The following CCDC73 variants were observed in gnomAD, a reference collection of about 807,000 sequenced individuals.
CCDC73 encodes the protein coiled-coil domain containing 73.
CCDC73 carries 95 observed loss-of-function variants against 116.5 expected under a neutral mutation model. The observed-to-expected ratio is 0.82, with a 90% CI of 0.69 to 0.97. CCDC73 has a LOEUF of 0.97. CCDC73 is among the 50% of genes least tolerant of loss of function. The probability of loss-of-function intolerance (pLI) is 0.00; values close to 1 mark genes in which losing one functional copy is unlikely to be tolerated. For synonymous variants in CCDC73, 398 were observed against 401.3 expected (o/e 0.99, Z 0.10); for missense variants, 1,066 against 1,206.8 (o/e 0.88, Z 1.73).
At chr11:32,781,401 G>A (rs1271264720) in intron 1 of CCDC73, among the ~76,000 whole-genome samples, 2 of 152,144 alleles carry the variant, frequency 1.3e-5, no homozygotes, top group Admixed American at 6.6e-5. Flanking sequence ...TTGCACCTGA[G>A]AAAGCTAGGA....
chr11:32,800,446 AT>A, the CCDC73 span, among the ~76,000 whole-genome samples: 8 of 152,174 alleles, frequency 5.3e-5, no homozygotes, highest in Admixed American at 5.2e-4. Context: ...AGTTATTCTT[AT>A]TATAAAATTG....
chr11:32,700,908 T>C (rs1849805712), intron 4 of CCDC73, 82 bp from the exon 5 acceptor site: 1 of 531,566 alleles, frequency 1.9e-6, no homozygotes, highest in South Asian at 3.5e-5. Context: ...AAAGAAACAC[T>C]TTACACATCT....
At chr11:32,695,527 GT>G (rs1179683574) in intron 6 of CCDC73, among the ~76,000 whole-genome samples, 1 of 152,202 alleles carries the variant, frequency 6.6e-6, no homozygotes, top group African/African-American at 2.4e-5. Context: ...AGGCTTTGCA[GT>G]TTCACTTGTG....
At chr11:32,648,909 G>A (rs899464683) in intron 12 of CCDC73, among the ~76,000 whole-genome samples, 1 of 152,112 alleles carries the variant, frequency 6.6e-6, no homozygotes, top group African/African-American at 2.4e-5. Context: ...ATTAAGTATA[G>A]TATATTCTAT....
chr11:32,788,195 T>C (rs529890398), intron 1 of CCDC73, among the ~76,000 whole-genome samples: 1 of 152,308 alleles, frequency 6.6e-6, no homozygotes, highest in Non-Finnish European at 1.5e-5. Context: ...ATCACTCATA[T>C]CCTTTGGAAA....
At chr11:32,667,545 TC>T (rs151189707) in intron 9 of CCDC73, among the ~76,000 whole-genome samples, 7,169 of 152,198 alleles carry the variant, frequency 0.047, 186 homozygotes, top group African/African-American at 0.061. Flanking sequence ...GACCCGATTT[TC>T]CAGGTGCCGT....
intron 9 of CCDC73, among the ~76,000 whole-genome samples, chr11:32,671,628 T>A (rs557538927): frequency 1.1e-4 from 16 of 152,162 alleles, no homozygotes; most frequent in Non-Finnish European, 2.1e-4. Flanking sequence ...ATAAGACACA[T>A]AAAATTTAAA....
intron 12 of CCDC73, among the ~76,000 whole-genome samples, chr11:32,648,990 G>C (rs1049966139): frequency 2.6e-5 from 4 of 152,186 alleles, no homozygotes; most frequent in Non-Finnish European, 5.9e-5. Context: ...TGTTAGATCA[G>C]CTACACTAAG....
chr11:32,705,396 C>T (rs1156500219), intron 3 of CCDC73, among the ~76,000 whole-genome samples: 1 of 152,174 alleles, frequency 6.6e-6, no homozygotes, highest in African/African-American at 2.4e-5. Context: ...TCCCCTCATC[C>T]AGACACTGGT....
chr11:32,677,955 C>CA (rs34907847), intron 7 of CCDC73, among the ~76,000 whole-genome samples: 6,400 of 63,950 alleles, frequency 0.1, 312 homozygotes, highest in African/African-American at 0.16. Context: ...GATTCCATCT[C>CA]AAAAAAAAAA....
chr11:32,660,742 A>G (rs1855915726), intron 9 of CCDC73, among the ~76,000 whole-genome samples: 1 of 152,050 alleles, frequency 6.6e-6, no homozygotes, highest in African/African-American at 2.4e-5. Flanking sequence ...GGACTGCTTG[A>G]GCCCAGGTGT....
intron 3 of CCDC73, among the ~76,000 whole-genome samples, chr11:32,716,770 C>G (rs1849950208): frequency 6.6e-6 from 1 of 152,142 alleles, no homozygotes; most frequent in Non-Finnish European, 1.5e-5. Flanking sequence ...ACTATGTTGC[C>G]CAGGCTGGTC....
upstream of CCDC73, among the ~76,000 whole-genome samples, chr11:32,799,091 ATTT>A (rs36041424): frequency 0.11 from 13,553 of 118,322 alleles, 696 homozygotes; most frequent in Middle Eastern, 0.16. Flanking sequence ...TTTTCTTTTC[ATTT>A]TTTTTTTTTT....
chr11:32,712,988 T>C (rs1849915523), intron 3 of CCDC73, among the ~76,000 whole-genome samples: 1 of 152,128 alleles, frequency 6.6e-6, no homozygotes, highest in African/African-American at 2.4e-5. Context: ...TTCTAATAAG[T>C]GTTACTCATA....
chr11:32,625,181 G>A (rs866002488), intron 14 of CCDC73, among the ~76,000 whole-genome samples: 20 of 152,102 alleles, frequency 1.3e-4, no homozygotes, highest in Admixed American at 1.0e-3. Context: ...GTCTCTGCAC[G>A]TCAGATGGGT....
intron 7 of CCDC73, chr11:32,682,815 A>G (rs1590591537): frequency 6.6e-6 from 1 of 152,042 alleles, no homozygotes; most frequent in Non-Finnish European, 1.5e-5. Flanking sequence ...TTAACAGACT[A>G]TAAAAGAGGA....
chr11:32,760,343 T>C (rs1018499852), intron 1 of CCDC73, 85 bp from the exon 2 acceptor site: 5 of 759,692 alleles, frequency 6.6e-6, no homozygotes. Context: ...TATAACAACC[T>C]GTATCCCATA....
At chr11:32,726,274 G>T (rs1251358850) in intron 2 of CCDC73, among the ~76,000 whole-genome samples, 4 of 152,062 alleles carry the variant, frequency 2.6e-5, no homozygotes, top group Non-Finnish European at 5.9e-5. Context: ...TGGATTTATT[G>T]ACATAGACTT....
chr11:32,773,601 G>C (rs746231239), intron 1 of CCDC73, among the ~76,000 whole-genome samples: 14 of 151,822 alleles, frequency 9.2e-5, no homozygotes, highest in Non-Finnish European at 2.1e-4. Context: ...GAAATACAGT[G>C]AGACCCCCAT....
Sources: allele counts gnomAD v4.1 joint callset (sites outside exome capture counted in the v4.1 genomes callset), GRCh38; gene constraint gnomAD v4.1.1; transcripts MANE v1.5; gene names NCBI Gene and HGNC (gene_info 2026-07-23, HGNC 2026-07-21).